NME9: variants seen among roughly 807,000 people sequenced by gnomAD.
NME9 encodes the protein thioredoxin domain-containing protein 6.
Under a neutral mutation model 44.4 loss-of-function variants are expected in NME9, and 48 were observed. The ratio of observed to expected loss-of-function variants is 1.08; its 90% CI spans 0.86 to 1.37. NME9 has a LOEUF of 1.37. Ranked by LOEUF, NME9 falls within the 40% of genes most tolerant of loss-of-function variation. The probability of loss-of-function intolerance (pLI) is 0.00; values close to 1 mark genes in which losing one functional copy is unlikely to be tolerated. For missense variants in NME9, 325 were observed against 405.2 expected, an observed-to-expected ratio of 0.80 and a Z score of 1.70; for synonymous variants, 139 against 147.1, an observed-to-expected ratio of 0.94 and a Z score of 0.40.
At chr3:138,325,880 CACATT>C (rs2053757005) in intron 1 of NME9, among the ~76,000 whole-genome samples, 2 of 146,982 alleles carry the variant, frequency 1.4e-5, no homozygotes, top group South Asian at 4.3e-4. Flanking sequence ...TCCTATATAA[CACATT>C]ACGATAATCA....
At chr3:138,320,173 T>C (rs1386407859) in intron 2 of NME9, among the ~76,000 whole-genome samples, 1 of 152,142 alleles carries the variant, frequency 6.6e-6, no homozygotes, top group Non-Finnish European at 1.5e-5. Flanking sequence ...CTATAGTACA[T>C]GTCAGGGCTG....
chr3:138,282,346 G>T (rs1052739531), intron 8 of NME9, among the ~76,000 whole-genome samples: 4 of 152,046 alleles, frequency 2.6e-5, no homozygotes, highest in African/African-American at 9.7e-5. Flanking sequence ...TGGAGAGGGA[G>T]AGAGAAAAGA....
At chr3:138,306,225 A>C (rs1221270479) in intron 7 of NME9, 129 bp from the exon 8 acceptor site, 1 of 832,430 alleles carries the variant, frequency 1.2e-6, no homozygotes, top group Non-Finnish European at 2.0e-6. Flanking sequence ...TGATCCCCAC[A>C]TTATCTGTCC....
intron 8 of NME9, among the ~76,000 whole-genome samples, chr3:138,282,368 C>T (rs1238680856): frequency 6.6e-6 from 1 of 152,154 alleles, no homozygotes; most frequent in East Asian, 1.9e-4. Flanking sequence ...TACTTGTAGG[C>T]TGGGCACGGT....
At chr3:138,273,402 C>T (rs918411340) in intron 8 of NME9, among the ~76,000 whole-genome samples, 3 of 152,162 alleles carry the variant, frequency 2.0e-5, no homozygotes, top group Non-Finnish European at 4.4e-5. Flanking sequence ...TGATTTGTTA[C>T]TTTTTTCTTA....
At chr3:138,305,674 A>G (rs1041551235) in intron 8 of NME9, among the ~76,000 whole-genome samples, 3 of 152,156 alleles carry the variant, frequency 2.0e-5, no homozygotes, top group African/African-American at 4.8e-5. Context: ...ATCTAAAGTG[A>G]TATGCTCGAG....
chr3:138,324,407 G>A (rs1157099672), intron 2 of NME9: 1 of 453,258 alleles, frequency 2.2e-6, no homozygotes, highest in Non-Finnish European at 4.4e-6. Context: ...TAAGTTTCTG[G>A]GTAAATTGCT....
chr3:138,299,325 G>A (rs1256519961), downstream of NME9, among the ~76,000 whole-genome samples: 1 of 152,136 alleles, frequency 6.6e-6, no homozygotes, highest in African/African-American at 2.4e-5. Flanking sequence ...AGGCTGAGTG[G>A]AGGTCCAGAG....
At chr3:138,292,063 G>A (rs558158139) in intron 8 of NME9, among the ~76,000 whole-genome samples, 4 of 151,936 alleles carry the variant, frequency 2.6e-5, no homozygotes, top group African/African-American at 7.2e-5. Context: ...TCGAGATGGA[G>A]TTTCACTCTT....
In NME9 at chr3:138,301,650, T is replaced by C; in HGVS notation, c.983A>G (p.Asp328Gly). 1 of 1,536,074 alleles carries C rather than the reference T, an allele frequency of 6.5e-7. No individual in the cohort carries two copies. The highest frequency in any genetic ancestry group is 1.2e-5 in the South Asian group (1 of 84,062). The change falls in exon 11 of 11, where the codon GAT becomes GGT. Residue 328 changes from aspartate (D) to glycine (G), a missense_variant. Physicochemically the swap from Asp to Gly is moderately conservative, Grantham distance 94. Transcript: ENST00000333911. ...AGCAGCACAGCCATCTCAATCCACA[T>C]CCTCAGGAAAGCAAAGCGCCTCAGT... Reference protein sequence around the residue: ...GPTEALCFPEDVD With the variant: ...GPTEALCFPEGVD
chr3:138,292,411 C>T (rs1201548501), intron 8 of NME9, among the ~76,000 whole-genome samples: 2 of 152,188 alleles, frequency 1.3e-5, no homozygotes, highest in Non-Finnish European at 2.9e-5. Flanking sequence ...AGAATGGAGG[C>T]ACAGAGACCA....
chr3:138,265,280 C>G (rs2048173240), intron 8 of NME9, among the ~76,000 whole-genome samples: 2 of 152,030 alleles, frequency 1.3e-5, no homozygotes, highest in African/African-American at 4.8e-5. Flanking sequence ...AGGTTCAGGA[C>G]AAATGAATCT....
At position 138,266,489 on chromosome 3, in the gene NME9, A is replaced by G. The variant is rs151283545; in HGVS notation, c.746-3903T>C. Among the ~76,000 whole-genome samples, 5 of 152,262 alleles carry G rather than the reference A, an allele frequency of 3.3e-5. No homozygotes were observed. In the East Asian group the frequency reaches 7.7e-4, roughly 24 times the overall value. ...GTTGTTGAGCCCAAATTTGTATCCA[A>G]GTAGTCTTATGTTTTTCATTTCCCT... On this transcript the variant is annotated intron_variant, in intron 8 of 8. Transcript: ENST00000317876.
chr3:138,273,821 CT>C (rs764799623), intron 8 of NME9, among the ~76,000 whole-genome samples: 489 of 144,922 alleles, frequency 3.4e-3, no homozygotes, highest in Non-Finnish European at 4.2e-3. Flanking sequence ...ATGCTTCCCC[CT>C]TTTTTTTTTT....
Position 138,305,991 on chromosome 3 carries a change from T to C in NME9, c.636+13A>G, listed in dbSNP as rs749521767. ...CGACAGTGTGTTGAACTTGTGGAAG[T>C]AGATGAGCTGACCTCTCCAGCTTTG... is the stretch of plus-strand genomic sequence containing the variant. On this transcript the variant is annotated intron_variant, in intron 8 of 10. Coordinates refer to ENST00000333911, the MANE Select transcript of NME9 (RefSeq NM_001349018.2). 1.3e-6 allele frequency: 2 copies of C among 1,541,816 alleles called. No homozygotes were observed. The highest frequency in any genetic ancestry group is 2.2e-5 in the South Asian group (2 of 89,618).
At chr3:138,300,739 G>A (rs1450448823), downstream of NME9, among the ~76,000 whole-genome samples, 1 of 152,200 alleles carries the variant, frequency 6.6e-6, no homozygotes, top group East Asian at 1.9e-4. Flanking sequence ...GGGGAGGGAT[G>A]CGTCAAGAAA....
intron 8 of NME9, 125 bp from the exon 9 acceptor site, chr3:138,305,152 G>A: frequency 2.3e-6 from 2 of 874,932 alleles, no homozygotes; most frequent in African/African-American, 1.7e-5. Context: ...CAGCCAGCAT[G>A]CCCGTGGCCA....
At chr3:138,318,444 C>A (rs1458102845) in intron 3 of NME9, among the ~76,000 whole-genome samples, 1 of 129,662 alleles carries the variant, frequency 7.7e-6, no homozygotes, top group African/African-American at 4.9e-5. Flanking sequence ...CTCCTACCCG[C>A]CCCCCAGCTA....
At chr3:138,324,719 C>G in intron 2 of NME9, 154 bp downstream of exon 2, 1 of 654,282 alleles carries the variant, frequency 1.5e-6, no homozygotes, top group South Asian at 1.8e-5. Context: ...CACACACACA[C>G]ACACACACAC....
Sources: allele counts gnomAD v4.1 joint callset (sites outside exome capture counted in the v4.1 genomes callset), GRCh38; gene constraint gnomAD v4.1.1; transcripts MANE v1.5; gene names NCBI Gene and HGNC (gene_info 2026-07-23, HGNC 2026-07-21).